Variants in NLRP7 observed in about 807,000 individuals in gnomAD.
NLRP7 encodes the protein NACHT, LRR and PYD domains-containing protein 7.
NLRP7 carries 72 observed loss-of-function variants against 85.5 expected under a neutral mutation model. That is an observed-to-expected ratio of 0.84 (90% CI 0.70 to 1.02). The LOEUF (loss-of-function observed/expected upper bound fraction) is 1.02, where lower values mean the gene tolerates loss of function less well. Among genes scored for constraint, NLRP7 ranks in the 50% least tolerant of loss-of-function variants. The pLI, the probability that NLRP7 is intolerant of heterozygous loss-of-function variation, is 0.00. For synonymous variants in NLRP7, 550 were observed against 505.2 expected (o/e 1.09, Z -1.19); for missense variants, 1,243 against 1,219.5 (o/e 1.02, Z -0.29).
chr19:54,955,200 G>A (rs569856511), intron 1 of NLRP7, among the ~76,000 whole-genome samples: 3 of 151,932 alleles, frequency 2.0e-5, no homozygotes, highest in Non-Finnish European at 2.9e-5. Context: ...GTGGTGGTGC[G>A]TGCCTGTAAT....
intron 8 of NLRP7, among the ~76,000 whole-genome samples, chr19:54,932,872 G>T (rs779992451): frequency 5.9e-5 from 9 of 151,936 alleles, no homozygotes; most frequent in Non-Finnish European, 1.3e-4. Flanking sequence ...GGCCAGGCTG[G>T]TCTCGAACCT....
chr19:54,936,262 T>C (rs774762079), exon 6 of NLRP7: 2 of 1,612,764 alleles, frequency 1.2e-6, no homozygotes, highest in East Asian at 4.5e-5. Context: ...GAGACCCACC[T>C]CAGGTACTGC....
intron 1 of NLRP7, among the ~76,000 whole-genome samples, chr19:54,959,021 AT>A (rs1328508546): frequency 6.6e-6 from 1 of 151,744 alleles, no homozygotes. Flanking sequence ...TCATGAGTTG[AT>A]TTTTATCTAC....
intron 1 of NLRP7, among the ~76,000 whole-genome samples, chr19:54,952,520 G>A (rs568676970): frequency 1.3e-5 from 2 of 152,022 alleles, no homozygotes; most frequent in Non-Finnish European, 2.9e-5. Context: ...CTTGAACCTG[G>A]GAGGCGGAGG....
chr19:54,932,511 A>G (rs1449790677), intron 8 of NLRP7, among the ~76,000 whole-genome samples: 1 of 152,058 alleles, frequency 6.6e-6, no homozygotes. Context: ...CAATCTCTTG[A>G]ATATTTTTCT....
intron 1 of NLRP7, among the ~76,000 whole-genome samples, chr19:54,943,777 T>C (rs2146240940): frequency 1.3e-5 from 2 of 152,298 alleles, no homozygotes; most frequent in South Asian, 4.1e-4. Flanking sequence ...ACTGTGTCTA[T>C]GTAGAAAGAA....
At chr19:54,926,892 G>A (rs1049711021) in intron 9 of NLRP7, among the ~76,000 whole-genome samples, 5 of 146,810 alleles carry the variant, frequency 3.4e-5, no homozygotes, top group African/African-American at 1.3e-4. Flanking sequence ...CTCCAGCCTG[G>A]GGGACAGAGA....
intron 1 of NLRP7, among the ~76,000 whole-genome samples, chr19:54,945,956 AT>A (rs1385966657): frequency 1.3e-5 from 2 of 150,850 alleles, no homozygotes; most frequent in African/African-American, 2.4e-5. Flanking sequence ...TGCCCAGCTA[AT>A]TTTTTTTGTA....
At chr19:54,935,288 G>C (rs1322605468) in intron 6 of NLRP7, among the ~76,000 whole-genome samples, 2 of 151,930 alleles carry the variant, frequency 1.3e-5, no homozygotes, top group African/African-American at 4.8e-5. Context: ...GGAGTGCAGT[G>C]GCATGATCAC....
At chr19:54,964,612 CA>C (rs1360758346) in intron 1 of NLRP7, among the ~76,000 whole-genome samples, 5 of 151,704 alleles carry the variant, frequency 3.3e-5, no homozygotes, top group African/African-American at 1.2e-4. Flanking sequence ...CACCTGAGGT[CA>C]GGAGTTTGAG....
intron 9 of NLRP7, among the ~76,000 whole-genome samples, chr19:54,928,503 C>G (rs1388134917): frequency 6.6e-6 from 1 of 152,122 alleles, no homozygotes; most frequent in East Asian, 1.9e-4. Context: ...TTTTTAGTGA[C>G]AGCAGACATC....
intron 1 of NLRP7, among the ~76,000 whole-genome samples, chr19:54,958,716 G>A (rs527915510): frequency 1.3e-5 from 2 of 152,238 alleles, no homozygotes; most frequent in East Asian, 1.9e-4. Flanking sequence ...GTAGCAGGAC[G>A]AGCCACAGAC....
rs777452729 is a variant in NLRP7, at chr19:54,939,978, C to T, written c.841G>A (p.Val281Ile). The T allele has an allele frequency of 1.7e-5, 28 of 1,614,044 alleles. No individual in the cohort carries two copies. Among genetic ancestry groups the T allele is most frequent in the Middle Eastern group, 3.3e-4 (2 of 6,084 alleles). Residue 281 changes from valine (V) to isoleucine (I), a missense_variant, in exon 4 of 10, where the codon GTC becomes ATC. Val to Ile is a conservative substitution (Grantham distance 29). Transcript: ENST00000340844. Reference sequence around the variant, plus strand: ...CTCTTCAGCAAACTCCCCAGGAGGACGGGCACCGGCTTCTTCTTCTCCCAG... The same window carrying T: ...CTCTTCAGCAAACTCCCCAGGAGGATGGGCACCGGCTTCTTCTTCTCCCAG...
At chr19:54,954,625 A>G (rs927647783) in intron 1 of NLRP7, among the ~76,000 whole-genome samples, 1 of 150,966 alleles carries the variant, frequency 6.6e-6, no homozygotes, top group Non-Finnish European at 1.5e-5. Flanking sequence ...CGGGCATATC[A>G]CCTGAGCTCA....
chr19:54,930,988 A>G (rs1331973934), intron 8 of NLRP7, among the ~76,000 whole-genome samples: 1 of 149,478 alleles, frequency 6.7e-6, no homozygotes, highest in Admixed American at 6.7e-5. Flanking sequence ...GCGCCACTGC[A>G]CTCCAGCCCG....
At chr19:54,956,726 C>T (rs376665503) in intron 1 of NLRP7, among the ~76,000 whole-genome samples, 11 of 151,078 alleles carry the variant, frequency 7.3e-5, no homozygotes, top group Admixed American at 1.3e-4. Flanking sequence ...CAGTGGCTCA[C>T]GCCTATAATA....
intron 1 of NLRP7, among the ~76,000 whole-genome samples, chr19:54,958,624 G>A (rs935324956): frequency 4.0e-5 from 6 of 151,164 alleles, no homozygotes; most frequent in Non-Finnish European, 7.4e-5. Context: ...CAGCCCAAGG[G>A]ACAGAGTGAG....
intron 1 of NLRP7, among the ~76,000 whole-genome samples, chr19:54,958,510 T>A (rs1220561646): frequency 4.0e-5 from 6 of 151,546 alleles, no homozygotes; most frequent in Admixed American, 3.3e-4. Context: ...CTGGGCATAG[T>A]GGTGCATGCC....
chr19:54,924,819 C>A (rs902527763), intron 9 of NLRP7, among the ~76,000 whole-genome samples: 4 of 152,030 alleles, frequency 2.6e-5, no homozygotes, highest in Non-Finnish European at 5.9e-5. Context: ...AACTGTAATA[C>A]CAGCTACTCA....
Sources: allele counts gnomAD v4.1 joint callset (sites outside exome capture counted in the v4.1 genomes callset), GRCh38; gene constraint gnomAD v4.1.1; transcripts MANE v1.5; gene names NCBI Gene and HGNC (gene_info 2026-07-23, HGNC 2026-07-21).